Variants in SGCZ observed in about 807,000 individuals in gnomAD.
SGCZ encodes the protein sarcoglycan zeta, also known as zeta-sarcoglycan.
SGCZ carries 40 observed loss-of-function variants against 41.3 expected under a neutral mutation model. That is an observed-to-expected ratio of 0.97 (90% CI 0.75 to 1.26). The LOEUF (loss-of-function observed/expected upper bound fraction) is 1.26, where lower values mean the gene tolerates loss of function less well. SGCZ is among the 50% of genes most tolerant of loss of function. SGCZ has a pLI of 0.00. For synonymous variants in SGCZ, 206 were observed against 137.5 expected (o/e 1.50, Z -3.49); for missense variants, 552 against 369.8 (o/e 1.49, Z -4.04).
At chr8:14,578,779 T>C (rs1446921726) in intron 1 of SGCZ, among the ~76,000 whole-genome samples, 1 of 152,178 alleles carries the variant, frequency 6.6e-6, no homozygotes, top group Non-Finnish European at 1.5e-5. Context: ...AATCCTGGCA[T>C]ATAAGGGTCT....
chr8:14,162,106 G>A (rs1344690065), intron 5 of SGCZ, among the ~76,000 whole-genome samples: 2 of 152,262 alleles, frequency 1.3e-5, no homozygotes, highest in East Asian at 1.9e-4. Context: ...GGATGGCATC[G>A]GGGCTACTAA....
intron 1 of SGCZ, among the ~76,000 whole-genome samples, chr8:14,903,447 GAA>G (rs1563351494): frequency 6.6e-6 from 1 of 151,758 alleles, no homozygotes; most frequent in African/African-American, 2.4e-5. Context: ...TTGAAATCCT[GAA>G]AAAACAAAAA....
At chr8:14,595,593 T>C (rs1242622381) in intron 1 of SGCZ, among the ~76,000 whole-genome samples, 1 of 152,198 alleles carries the variant, frequency 6.6e-6, no homozygotes, top group African/African-American at 2.4e-5. Context: ...TGGCTAACCT[T>C]GAACTAATTC....
chr8:14,296,944 G>T, intron 3 of SGCZ, among the ~76,000 whole-genome samples: 1 of 151,242 alleles, frequency 6.6e-6, no homozygotes, highest in Middle Eastern at 3.4e-3. Context: ...TTTTTGAGTC[G>T]GATTTTCGCT....
At chr8:14,566,865 G>A (rs375549841) in intron 1 of SGCZ, among the ~76,000 whole-genome samples, 5 of 152,170 alleles carry the variant, frequency 3.3e-5, no homozygotes, top group Admixed American at 1.3e-4. Flanking sequence ...CGGTGCTTGC[G>A]GGCCAGTGCG....
rs1465886661 is a variant in SGCZ, at chr8:15,111,904, A to AC, written c.39+125680_39+125681insG. Reference sequence around the variant, plus strand: ...ACAGAGCGAGACTCCGTCTCCCAAAAAAAAAAAAAAATCCCTCCTTTCAGT... The same window carrying AC: ...ACAGAGCGAGACTCCGTCTCCCAAAACAAAAAAAAAAATCCCTCCTTTCAGT... On this transcript the variant is annotated intron_variant, in intron 1 of 7. Transcript: ENST00000382080. Among the ~76,000 whole-genome samples, 7 of 151,696 alleles carry AC rather than the reference A, an allele frequency of 4.6e-5. No individual in the cohort carries two copies. The East Asian group carries it at 9.7e-4, about 21-fold the overall frequency.
At chr8:14,639,511 T>C (rs1806948271) in intron 1 of SGCZ, among the ~76,000 whole-genome samples, 1 of 151,778 alleles carries the variant, frequency 6.6e-6, no homozygotes, top group African/African-American at 2.4e-5. Context: ...GGAAAATCAG[T>C]AGATTTCAAA....
At chr8:14,611,662 T>C (rs150030338) in intron 1 of SGCZ, among the ~76,000 whole-genome samples, 32 of 152,304 alleles carry the variant, frequency 2.1e-4, no homozygotes, top group African/African-American at 7.2e-4. Context: ...GCCTCCAATA[T>C]AGAAAAAATT....
intron 1 of SGCZ, among the ~76,000 whole-genome samples, chr8:15,022,564 G>C (rs999918463): frequency 2.0e-5 from 3 of 152,030 alleles, no homozygotes; most frequent in Non-Finnish European, 4.4e-5. Flanking sequence ...GGATGGTCTC[G>C]ATCTCTTGAC....
chr8:14,102,538 A>C (rs569504286), intron 6 of SGCZ, 39 bp from the exon 7 acceptor site: 33 of 1,333,926 alleles, frequency 2.5e-5, no homozygotes, highest in East Asian at 5.6e-5. Flanking sequence ...GGAAAAAAAA[A>C]CACAAAAAAA....
chr8:14,770,219 G>A (rs1001917891), intron 1 of SGCZ, among the ~76,000 whole-genome samples: 2 of 151,138 alleles, frequency 1.3e-5, no homozygotes, highest in African/African-American at 2.4e-5. Context: ...AATACATCAC[G>A]ATGCTAATCT....
chr8:14,986,892 C>A (rs1434931447), intron 1 of SGCZ, among the ~76,000 whole-genome samples: 2 of 151,700 alleles, frequency 1.3e-5, no homozygotes, highest in African/African-American at 4.8e-5. Context: ...GTTATAAATA[C>A]TCAGTAAGGA....
At chr8:14,776,892 C>T (rs562762119) in intron 1 of SGCZ, among the ~76,000 whole-genome samples, 37 of 152,322 alleles carry the variant, frequency 2.4e-4, no homozygotes, top group African/African-American at 8.7e-4. Flanking sequence ...AGGTTATAGA[C>T]TGACCACAGA....
chr8:14,869,613 G>A (rs1166451487), intron 1 of SGCZ, among the ~76,000 whole-genome samples: 2 of 152,120 alleles, frequency 1.3e-5, no homozygotes, highest in African/African-American at 2.4e-5. Context: ...AGAAAGAAAT[G>A]AAGTGTATTC....
chr8:14,587,709 T>C (rs542295595), intron 1 of SGCZ, among the ~76,000 whole-genome samples: 23 of 152,300 alleles, frequency 1.5e-4, no homozygotes, highest in African/African-American at 5.1e-4. Flanking sequence ...AATTTAGTTA[T>C]GTCTTAGGTC....
At chr8:14,581,078 T>C (rs1243768075) in intron 1 of SGCZ, among the ~76,000 whole-genome samples, 1 of 152,132 alleles carries the variant, frequency 6.6e-6, no homozygotes, top group African/African-American at 2.4e-5. Flanking sequence ...AGGAAGAGGT[T>C]GTCTCGTACT....
At chr8:14,100,536 A>G (rs952110419) in intron 7 of SGCZ, among the ~76,000 whole-genome samples, 3 of 124,426 alleles carry the variant, frequency 2.4e-5, no homozygotes, top group African/African-American at 8.9e-5. Flanking sequence ...ATATTTTCAA[A>G]ATATTATACA....
rs142795296 is a variant in SGCZ at position 14,666,119 on chromosome 8, C to T, written c.40-111193G>A. Among the ~76,000 whole-genome samples, 925 of 152,238 alleles carry T rather than the reference C, an allele frequency of 6.1e-3. 10 individuals carry two copies. Among genetic ancestry groups the T allele is most frequent in the Middle Eastern group, 0.02 (6 of 294 alleles). The stretch of plus-strand genomic sequence containing the variant: ...CTTTTCTCTGAATATCTTTTAACCA[C>T]GCTGTTTCTGATGTTTTTGCCAAGC... On this transcript the variant is annotated intron_variant, in intron 1 of 7. Transcript: ENST00000382080.
chr8:14,651,114 C>T (rs1807382898), intron 1 of SGCZ, among the ~76,000 whole-genome samples: 1 of 151,952 alleles, frequency 6.6e-6, no homozygotes, highest in Non-Finnish European at 1.5e-5. Context: ...ATGGTAACCA[C>T]ATATACAATT....
Sources: gnomAD v4.1 joint callset for allele counts (sites outside exome capture counted in the v4.1 genomes callset) on GRCh38, gnomAD v4.1.1 for gene constraint, MANE v1.5 for transcripts, NCBI Gene and HGNC (gene_info 2026-07-23, HGNC 2026-07-21) for gene names.